ZNF385D: variants seen among roughly 807,000 people sequenced by gnomAD.
ZNF385D encodes zinc finger protein 659.
In ZNF385D, 15 loss-of-function variants were observed where a neutral mutation model predicts 35.8. That is an observed-to-expected ratio of 0.42 (90% CI 0.28 to 0.64). The LOEUF (loss-of-function observed/expected upper bound fraction) is 0.64, where lower values mean the gene tolerates loss of function less well. Among genes scored for constraint, ZNF385D ranks in the 30% least tolerant of loss-of-function variants. ZNF385D has a pLI of 0.23. For synonymous variants in ZNF385D, 212 were observed against 186.8 expected (o/e 1.13, Z -1.10); for missense variants, 474 against 494.6 (o/e 0.96, Z 0.39).
intron 1 of ZNF385D, among the ~76,000 whole-genome samples, chr3:21,696,769 A>G (rs1007507746): frequency 6.6e-6 from 1 of 152,218 alleles, no homozygotes; most frequent in Non-Finnish European, 1.5e-5. Context: ...TTGTGGGGGA[A>G]AATCTACTCC....
chr3:22,272,420 A>G (rs1446414892), intron 2 of ZNF385D, among the ~76,000 whole-genome samples: 1 of 151,948 alleles, frequency 6.6e-6, no homozygotes, highest in East Asian at 1.9e-4. Context: ...CTAGGACATT[A>G]CCCATAATGA....
At chr3:21,616,663 T>TTA (rs2064856198) in intron 2 of ZNF385D, among the ~76,000 whole-genome samples, 1 of 152,234 alleles carries the variant, frequency 6.6e-6, no homozygotes, top group Admixed American at 6.5e-5. Context: ...TTCATATTGC[T>TTA]TATTATACTT....
intron 4 of ZNF385D, among the ~76,000 whole-genome samples, chr3:21,498,898 G>A (rs1333123677): frequency 2.3e-5 from 3 of 130,576 alleles, no homozygotes; most frequent in Non-Finnish European, 3.1e-5. Context: ...AGCTGAGATC[G>A]ATCGCACCAC....
chr3:21,935,211 T>C (rs991880890), intron 3 of ZNF385D, among the ~76,000 whole-genome samples: 1 of 152,190 alleles, frequency 6.6e-6, no homozygotes, highest in Non-Finnish European at 1.5e-5. Flanking sequence ...GCCATTGATA[T>C]TAGCAATTAA....
At chr3:21,644,386 C>T (rs1253993789) in intron 2 of ZNF385D, among the ~76,000 whole-genome samples, 2 of 152,118 alleles carry the variant, frequency 1.3e-5, no homozygotes, top group African/African-American at 2.4e-5. Context: ...TTGCATAGGA[C>T]ACCATTCCAT....
intron 3 of ZNF385D, among the ~76,000 whole-genome samples, chr3:21,770,992 A>G (rs1274961841): frequency 5.3e-5 from 8 of 151,834 alleles, no homozygotes; most frequent in Non-Finnish European, 1.2e-4. Flanking sequence ...TGCAAGGACA[A>G]AAAAGCCAAA....
chr3:22,184,445 T>C lies in ZNF385D; in HGVS notation c.107-15410A>G, dbSNP rs372024825. Among the ~76,000 whole-genome samples the C allele has an allele frequency of 1.6e-3, 240 of 152,294 alleles. 11 individuals are homozygous for C. In the South Asian group the frequency reaches 0.045, roughly 29 times the overall value. Reference sequence around the variant, plus strand: ...CAGATCTCAAATCTTCAATACTGTGTGTGCTAATGTATAAAACTTTTGCAT... The same window carrying C: ...CAGATCTCAAATCTTCAATACTGTGCGTGCTAATGTATAAAACTTTTGCAT... On this transcript the variant is annotated intron_variant, in intron 2 of 5. Transcript: ENST00000494108.
At chr3:21,840,606 T>G (rs992122125) in intron 3 of ZNF385D, among the ~76,000 whole-genome samples, 2 of 152,058 alleles carry the variant, frequency 1.3e-5, no homozygotes, top group African/African-American at 4.8e-5. Context: ...TGAATGCATT[T>G]GGGATTTGGC....
At chr3:21,642,857 GTA>G (rs962944584) in intron 2 of ZNF385D, among the ~76,000 whole-genome samples, 2 of 152,042 alleles carry the variant, frequency 1.3e-5, no homozygotes, top group African/African-American at 4.8e-5. Context: ...GACAAACACT[GTA>G]TAACTCCATT....
intron 2 of ZNF385D, among the ~76,000 whole-genome samples, chr3:22,291,869 C>T (rs906297363): frequency 1.3e-5 from 2 of 152,038 alleles, no homozygotes; most frequent in African/African-American, 4.8e-5. Context: ...AACATGTGTA[C>T]TTCAGTTTTC....
chr3:21,731,437 C>T (rs2068990383), intron 1 of ZNF385D, among the ~76,000 whole-genome samples: 1 of 152,112 alleles, frequency 6.6e-6, no homozygotes, highest in African/African-American at 2.4e-5. Context: ...CATAGCCTGT[C>T]CCGTTACCAA....
chr3:21,732,398 A>G (rs1345758871), intron 1 of ZNF385D, among the ~76,000 whole-genome samples: 1 of 152,022 alleles, frequency 6.6e-6, no homozygotes, highest in African/African-American at 2.4e-5. Flanking sequence ...TCTTCAGGGT[A>G]AATACCAAGA....
chr3:22,125,127 T>A (rs1022559589), intron 3 of ZNF385D, among the ~76,000 whole-genome samples: 7 of 152,176 alleles, frequency 4.6e-5, no homozygotes, highest in Non-Finnish European at 1.0e-4. Flanking sequence ...CCCATTCTTT[T>A]GCATACATAT....
At chr3:21,762,176 C>T (rs1005733078) in intron 3 of ZNF385D, among the ~76,000 whole-genome samples, 1 of 152,080 alleles carries the variant, frequency 6.6e-6, no homozygotes, top group East Asian at 1.9e-4. Flanking sequence ...TGTGCTCAGT[C>T]TGTCTTCCCT....
chr3:22,326,049 TC>T (rs1694661701), intron 2 of ZNF385D, among the ~76,000 whole-genome samples: 1 of 152,112 alleles, frequency 6.6e-6, no homozygotes, highest in African/African-American at 2.4e-5. Context: ...TGTCTCCAAT[TC>T]CCGAATGTTT....
intron 2 of ZNF385D, among the ~76,000 whole-genome samples, chr3:21,573,841 C>T (rs780892490): frequency 7.9e-5 from 12 of 151,662 alleles, no homozygotes; most frequent in Non-Finnish European, 1.3e-4. Context: ...GGGTGGATCA[C>T]CTGAGGTCAG....
chr3:21,871,366 C>T (rs1349944355), intron 3 of ZNF385D, among the ~76,000 whole-genome samples: 1 of 152,124 alleles, frequency 6.6e-6, no homozygotes, highest in Non-Finnish European at 1.5e-5. Flanking sequence ...TAATTCTTTA[C>T]TATAGCACTT....
intron 2 of ZNF385D, among the ~76,000 whole-genome samples, chr3:22,169,653 C>T (rs549499722): frequency 3.3e-5 from 5 of 152,094 alleles, no homozygotes; most frequent in Non-Finnish European, 7.4e-5. Context: ...CCAAGATAGC[C>T]TTATAATCAG....
rs2125228206 is a variant in ZNF385D, at chr3:21,415,817, T to C, written c.*5397A>G. 1 of 152,208 alleles carries C rather than the reference T, an allele frequency of 6.6e-6. No individual in the cohort carries two copies. The highest frequency in any genetic ancestry group is 1.5e-5 in the Non-Finnish European group (1 of 67,982). 9.4% of individuals were successfully genotyped at this position (152,208 alleles called of 1,614,324 possible). ...ATCATATATATTAATAGTCAGATTT[T>C]ACTTCGTTTGACAAATACATTTTAG... is the stretch of plus-strand genomic sequence containing the variant. On this transcript the variant is annotated 3_prime_UTR_variant, in exon 8 of 8. Coordinates refer to ENST00000281523, the MANE Select transcript of ZNF385D (RefSeq NM_024697.3).
Sources: allele counts gnomAD v4.1 joint callset (sites outside exome capture counted in the v4.1 genomes callset), GRCh38; gene constraint gnomAD v4.1.1; transcripts MANE v1.5; gene names NCBI Gene and HGNC (gene_info 2026-07-23, HGNC 2026-07-21).